SH3GL2: variants seen among roughly 807,000 people sequenced by gnomAD.
The protein encoded by SH3GL2 is SH3 domain containing GRB2 like 2, endophilin A1, also known as endophilin-A1.
In SH3GL2, 24 loss-of-function variants were observed where a neutral mutation model predicts 46.0. The observed-to-expected ratio is 0.52, with a 90% CI of 0.38 to 0.73. The LOEUF (loss-of-function observed/expected upper bound fraction) is 0.73, where lower values mean the gene tolerates loss of function less well. SH3GL2 is among the 30% of genes least tolerant of loss of function. The pLI, the probability that SH3GL2 is intolerant of heterozygous loss-of-function variation, is 0.00. For synonymous variants in SH3GL2, 196 were observed against 147.1 expected, an observed-to-expected ratio of 1.33 and a Z score of -2.40; for missense variants, 413 against 424.2, an observed-to-expected ratio of 0.97 and a Z score of 0.23.
intron 2 of SH3GL2, among the ~76,000 whole-genome samples, chr9:17,760,572 C>G (rs1027420568): frequency 2.0e-5 from 3 of 152,042 alleles, no homozygotes; most frequent in African/African-American, 7.2e-5. Flanking sequence ...TTTTAACAAA[C>G]AGAAAATTTC....
chr9:17,790,719 T>C (rs1824102826), intron 6 of SH3GL2, among the ~76,000 whole-genome samples: 1 of 152,210 alleles, frequency 6.6e-6, no homozygotes, highest in African/African-American at 2.4e-5. Context: ...AAGATGTCAC[T>C]TGATTTAACC....
chr9:17,701,829 A>G lies in SH3GL2; in HGVS notation c.46-45237A>G, dbSNP rs1048460179. Among the ~76,000 whole-genome samples the G allele has an allele frequency of 2.6e-5, 4 of 152,230 alleles. No homozygotes were observed. The East Asian group carries it at 5.8e-4, about 22-fold the overall frequency. On this transcript the variant is annotated intron_variant, in intron 1 of 8. Transcript: ENST00000380607. ...GACATGAGAAACAGAAAAGCATACC[A>G]TGTTCTTTTTATGATTGAAAAGACT...
intron 1 of SH3GL2, among the ~76,000 whole-genome samples, chr9:17,658,858 A>G (rs7856139): frequency 9.9e-5 from 15 of 152,180 alleles, no homozygotes; most frequent in Admixed American, 2.0e-4. Flanking sequence ...GTACCAGAAA[A>G]TCTGCCCTGG....
chr9:17,664,619 G>C (rs7031459), intron 1 of SH3GL2, among the ~76,000 whole-genome samples: 2 of 151,606 alleles, frequency 1.3e-5, no homozygotes, highest in African/African-American at 2.4e-5. Context: ...GCAAGTGATA[G>C]TGGCTCTACA....
At chr9:17,727,237 T>C (rs956121229) in intron 1 of SH3GL2, among the ~76,000 whole-genome samples, 1 of 152,184 alleles carries the variant, frequency 6.6e-6, no homozygotes. Context: ...TTATACTGTT[T>C]ATGTAAGTTA....
At chr9:17,714,338 T>C (rs879691082) in intron 1 of SH3GL2, among the ~76,000 whole-genome samples, 3 of 151,794 alleles carry the variant, frequency 2.0e-5, no homozygotes, top group Non-Finnish European at 3.0e-5. Flanking sequence ...TTTATGGATG[T>C]TTAGAATATT....
At chr9:17,750,546 A>C (rs993281887) in intron 2 of SH3GL2, among the ~76,000 whole-genome samples, 4 of 151,818 alleles carry the variant, frequency 2.6e-5, no homozygotes, top group Admixed American at 2.6e-4. Context: ...CCTGCCCATC[A>C]TTATTTCTCT....
chr9:17,791,017 C>T (rs10963270), intron 6 of SH3GL2, among the ~76,000 whole-genome samples: 1 of 152,016 alleles, frequency 6.6e-6, no homozygotes, highest in Non-Finnish European at 1.5e-5. Flanking sequence ...GGTACTGATA[C>T]GCATGATTCT....
chr9:17,585,316 A>G (rs1197765723), intron 1 of SH3GL2, among the ~76,000 whole-genome samples: 1 of 152,174 alleles, frequency 6.6e-6, no homozygotes, highest in East Asian at 1.9e-4. Flanking sequence ...TCTAGAGATG[A>G]GCAATTCTTC....
intron 1 of SH3GL2, among the ~76,000 whole-genome samples, chr9:17,623,680 A>G (rs1554631156): frequency 2.0e-5 from 3 of 150,100 alleles, no homozygotes; most frequent in South Asian, 2.1e-4. Flanking sequence ...ACCTTTTCTT[A>G]TATTTAACCC....
chr9:17,768,107 C>G (rs889963364), intron 3 of SH3GL2, among the ~76,000 whole-genome samples: 5 of 152,132 alleles, frequency 3.3e-5, no homozygotes, highest in Admixed American at 1.3e-4. Context: ...CACAGTAGCT[C>G]ACGCCTATAA....
chr9:17,717,341 C>T (rs1290217306), intron 1 of SH3GL2, among the ~76,000 whole-genome samples: 1 of 152,100 alleles, frequency 6.6e-6, no homozygotes, highest in Non-Finnish European at 1.5e-5. Context: ...TACCTGAAAT[C>T]GGTCTTTTAC....
intron 1 of SH3GL2, among the ~76,000 whole-genome samples, chr9:17,746,168 T>C (rs5014597): frequency 0.12 from 17,061 of 140,502 alleles, 1,155 homozygotes; most frequent in Admixed American, 0.23. Context: ...TCCGCCCCGC[T>C]GTGTTCACAC....
intron 1 of SH3GL2, among the ~76,000 whole-genome samples, chr9:17,657,644 T>C (rs899156276): frequency 5.3e-5 from 8 of 152,160 alleles, no homozygotes; most frequent in Admixed American, 5.2e-4. Flanking sequence ...ATAGGGAAAA[T>C]GTATACAAAT....
intron 1 of SH3GL2, chr9:17,590,114 A>C (rs774395578): frequency 6.6e-6 from 1 of 152,192 alleles, no homozygotes; most frequent in African/African-American, 2.4e-5. Flanking sequence ...CACACCTCTC[A>C]CTTCTGTTAT....
At chr9:17,675,251 A>T (rs1158065822) in intron 1 of SH3GL2, among the ~76,000 whole-genome samples, 2 of 152,216 alleles carry the variant, frequency 1.3e-5, no homozygotes, top group Non-Finnish European at 2.9e-5. Flanking sequence ...CTCATAGCAC[A>T]TACCAGATTT....
chr9:17,737,243 C>T (rs554897960), intron 1 of SH3GL2, among the ~76,000 whole-genome samples: 1 of 151,902 alleles, frequency 6.6e-6, no homozygotes, highest in African/African-American at 2.4e-5. Context: ...AGGAGAAATA[C>T]CTAATGTAGA....
In SH3GL2 at chr9:17,731,657, C is replaced by T. The variant is rs553234779; in HGVS notation, c.46-15409C>T. Among the ~76,000 whole-genome samples, 19 of 152,252 alleles carry T rather than the reference C, an allele frequency of 1.2e-4. No homozygotes were observed. The East Asian group carries it at 2.9e-3, about 23-fold the overall frequency. On this transcript the variant is annotated intron_variant, in intron 1 of 8. Transcript: ENST00000380607. Reference sequence around the variant, plus strand: ...TAAAATTCTATTGTTTAAGCTTACCCGGTCTCTGGTATTTTGTTATGACAG... The same window carrying T: ...TAAAATTCTATTGTTTAAGCTTACCTGGTCTCTGGTATTTTGTTATGACAG...
intron 1 of SH3GL2, among the ~76,000 whole-genome samples, chr9:17,693,748 A>T (rs1821139155): frequency 6.6e-6 from 1 of 152,234 alleles, no homozygotes; most frequent in Admixed American, 6.5e-5. Flanking sequence ...GGATGAATCA[A>T]GCGAGCAGTG....
Sources: allele counts gnomAD v4.1 joint callset (sites outside exome capture counted in the v4.1 genomes callset), GRCh38; gene constraint gnomAD v4.1.1; transcripts MANE v1.5; gene names NCBI Gene and HGNC (gene_info 2026-07-23, HGNC 2026-07-21).